Variants in SIL1 observed in about 807,000 individuals in gnomAD.
SIL1 encodes the protein SIL1 nucleotide exchange factor.
Under a neutral mutation model 49.1 loss-of-function variants are expected in SIL1, and 40 were observed. That is an observed-to-expected ratio of 0.81 (90% CI 0.63 to 1.06). The LOEUF is 1.06. SIL1 is among the 50% of genes least tolerant of loss of function. SIL1 has a pLI of 0.00. For synonymous variants in SIL1, 253 were observed against 250.8 expected (o/e 1.01, Z -0.08); for missense variants, 500 against 572.6 (o/e 0.87, Z 1.29).
chr5:139,062,307 T>C (rs1198841848), intron 3 of SIL1, among the ~76,000 whole-genome samples: 4 of 152,210 alleles, frequency 2.6e-5, no homozygotes, highest in Non-Finnish European at 5.9e-5. Context: ...ATGTATTTTT[T>C]AGAAGGACTA....
At chr5:139,082,446 A>C (rs1340669105) in intron 3 of SIL1, among the ~76,000 whole-genome samples, 1 of 152,236 alleles carries the variant, frequency 6.6e-6, no homozygotes, top group African/African-American at 2.4e-5. Context: ...GATTGAAACA[A>C]AATAGGAAAG....
chr5:138,959,500 C>A (rs943997064), intron 7 of SIL1, among the ~76,000 whole-genome samples: 1 of 152,198 alleles, frequency 6.6e-6, no homozygotes, highest in African/African-American at 2.4e-5. Flanking sequence ...TGGTCCTATA[C>A]CCTCTGGTCC....
intron 7 of SIL1, among the ~76,000 whole-genome samples, chr5:138,961,501 C>T (rs1165479977): frequency 6.6e-6 from 1 of 152,184 alleles, no homozygotes. Flanking sequence ...CCTGATTGAA[C>T]CAGGTGGCCT....
At chr5:139,090,835 G>A (rs1017252916) in intron 3 of SIL1, among the ~76,000 whole-genome samples, 42 of 152,024 alleles carry the variant, frequency 2.8e-4, no homozygotes, top group African/African-American at 8.7e-4. Context: ...CAAATACCTG[G>A]CTTCAATCCA....
chr5:139,078,750 T>C (rs1394491736), intron 3 of SIL1, among the ~76,000 whole-genome samples: 1 of 152,238 alleles, frequency 6.6e-6, no homozygotes, highest in Non-Finnish European at 1.5e-5. Context: ...ACTTTTCACT[T>C]GATGACTTTC....
chr5:139,025,435 T>C (rs1383120201), intron 6 of SIL1, among the ~76,000 whole-genome samples: 2 of 152,144 alleles, frequency 1.3e-5, no homozygotes, highest in African/African-American at 4.8e-5. Flanking sequence ...TACCTACTCA[T>C]AGGGCAGCCA....
At chr5:139,065,618 C>T (rs1769687677) in intron 3 of SIL1, among the ~76,000 whole-genome samples, 1 of 152,186 alleles carries the variant, frequency 6.6e-6, no homozygotes, top group Non-Finnish European at 1.5e-5. Flanking sequence ...AAGGTTGGTG[C>T]TCCAGCAAAG....
intron 1 of SIL1, among the ~76,000 whole-genome samples, chr5:139,183,470 A>C (rs1455320568): frequency 1.3e-5 from 2 of 152,128 alleles, no homozygotes; most frequent in African/African-American, 4.8e-5. Context: ...AGAAAGGGCA[A>C]GGTGATTTTC....
intron 3 of SIL1, among the ~76,000 whole-genome samples, chr5:139,114,030 T>C (rs1210842891): frequency 6.6e-6 from 1 of 152,186 alleles, no homozygotes; most frequent in Non-Finnish European, 1.5e-5. Context: ...AGCATACAAA[T>C]GCTTGTTAGA....
chr5:139,143,344 C>CATATATATATATAT (rs1314250793), intron 1 of SIL1, among the ~76,000 whole-genome samples: 124 of 97,460 alleles, frequency 1.3e-3, no homozygotes, highest in African/African-American at 5.8e-3. Flanking sequence ...CACACACACA[C>CATATATATATATAT]ATATATATAT....
At chr5:139,163,360 TG>T (rs1283158675) in intron 1 of SIL1, among the ~76,000 whole-genome samples, 2 of 151,638 alleles carry the variant, frequency 1.3e-5, no homozygotes, top group Non-Finnish European at 2.9e-5. Context: ...TTCACTGTTT[TG>T]TTTTTTTTTC....
intron 5 of SIL1, among the ~76,000 whole-genome samples, chr5:139,040,478 T>TTTTTTC (rs1769015951): frequency 8.2e-6 from 1 of 122,428 alleles, no homozygotes; most frequent in East Asian, 2.5e-4. Context: ...GAGAGGAGTA[T>TTTTTTC]TTTTTCTTTT....
At chr5:139,143,499 T>G (rs1372870434) in intron 1 of SIL1, among the ~76,000 whole-genome samples, 3 of 151,782 alleles carry the variant, frequency 2.0e-5, no homozygotes, top group Non-Finnish European at 4.4e-5. Flanking sequence ...GCCTCCCAAG[T>G]AGCTGGGATT....
At chr5:138,969,096 A>C (rs1482134744) in intron 7 of SIL1, among the ~76,000 whole-genome samples, 1 of 152,214 alleles carries the variant, frequency 6.6e-6, no homozygotes, top group Non-Finnish European at 1.5e-5. Flanking sequence ...ATATATATAA[A>C]ACCAAGAAAC....
At chr5:139,112,943 T>C (rs904426231) in intron 3 of SIL1, among the ~76,000 whole-genome samples, 4 of 152,234 alleles carry the variant, frequency 2.6e-5, no homozygotes, top group Admixed American at 2.0e-4. Context: ...TCCATTTTGT[T>C]CTGTACTAAG....
chr5:139,179,259 C>G (rs938078548), intron 1 of SIL1, among the ~76,000 whole-genome samples: 2 of 152,204 alleles, frequency 1.3e-5, no homozygotes, highest in South Asian at 2.1e-4. Flanking sequence ...CCAGGGCAGA[C>G]AGTGCCCCCC....
intron 3 of SIL1, among the ~76,000 whole-genome samples, chr5:139,057,769 A>C (rs1234036522): frequency 6.6e-6 from 1 of 152,216 alleles, no homozygotes; most frequent in East Asian, 1.9e-4. Context: ...ATTTATAAAC[A>C]ATACAAATTT....
At chr5:139,063,788 A>G (rs967089923) in intron 3 of SIL1, among the ~76,000 whole-genome samples, 4 of 152,188 alleles carry the variant, frequency 2.6e-5, no homozygotes, top group African/African-American at 9.7e-5. Flanking sequence ...TTTCATTAGC[A>G]GCTCATTAGC....
chr5:139,156,135 T>A (rs893563614), intron 1 of SIL1, among the ~76,000 whole-genome samples: 6 of 152,308 alleles, frequency 3.9e-5, no homozygotes, highest in African/African-American at 1.4e-4. Context: ...ATAAAATATA[T>A]GTTTACGTAA....
Sources: allele counts gnomAD v4.1 joint callset (sites outside exome capture counted in the v4.1 genomes callset), GRCh38; gene constraint gnomAD v4.1.1; transcripts MANE v1.5; gene names NCBI Gene and HGNC (gene_info 2026-07-23, HGNC 2026-07-21).